Variants in APBA1 observed in about 807,000 individuals in gnomAD.
APBA1 encodes amyloid beta precursor protein binding family A member 1.
Under a neutral mutation model 86.6 loss-of-function variants are expected in APBA1, and 55 were observed. That is an observed-to-expected ratio of 0.64 (90% CI 0.51 to 0.80). APBA1 has a LOEUF of 0.80. Ranked by LOEUF, APBA1 falls within the 30% of genes least tolerant of loss-of-function variation. The pLI is 0.00. For synonymous variants in APBA1, 511 were observed against 493.9 expected (o/e 1.03, Z -0.46); for missense variants, 1,090 against 1,183.0 (o/e 0.92, Z 1.15).
chr9:69,501,678 A>T (rs1564057572), intron 2 of APBA1, among the ~76,000 whole-genome samples: 1 of 140,464 alleles, frequency 7.1e-6, no homozygotes, highest in Non-Finnish European at 1.6e-5. Context: ...ACACACACAC[A>T]CTAGCTGGGC....
At chr9:69,462,858 C>T (rs1835212836) in intron 5 of APBA1, 2 of 152,140 alleles carry the variant, frequency 1.3e-5, no homozygotes, top group Non-Finnish European at 2.9e-5. Context: ...CTGGGTGCCA[C>T]CTTCTGAGTT....
chr9:69,441,227 C>T, intron 10 of APBA1, 112 bp from the exon 11 acceptor site: 1 of 1,333,504 alleles, frequency 7.5e-7, no homozygotes, highest in East Asian at 2.4e-5. Flanking sequence ...CCGAAGGACC[C>T]ACTGCCTGCT....
At chr9:69,610,271 G>C (rs192866659) in intron 1 of APBA1, among the ~76,000 whole-genome samples, 144 of 152,248 alleles carry the variant, frequency 9.5e-4, no homozygotes, top group African/African-American at 3.4e-3. Flanking sequence ...AGTGGGCTAG[G>C]ATCCTGTTAC....
At chr9:69,510,276 A>G (rs201913785) in intron 2 of APBA1, among the ~76,000 whole-genome samples, 71 of 142,686 alleles carry the variant, frequency 5.0e-4, no homozygotes, top group African/African-American at 1.1e-3. Flanking sequence ...ATACACCAAT[A>G]ACAGACAAAC....
chr9:69,495,382 T>C (rs1436141848), intron 2 of APBA1, among the ~76,000 whole-genome samples: 1 of 152,136 alleles, frequency 6.6e-6, no homozygotes, highest in Non-Finnish European at 1.5e-5. Context: ...AAGTTCTCCA[T>C]CTTTCCGGGT....
chr9:69,658,306 CTT>C (rs374211292), intron 1 of APBA1, among the ~76,000 whole-genome samples: 20,705 of 70,646 alleles, frequency 0.29, 2,742 homozygotes, highest in African/African-American at 0.33. Context: ...CTCTCTCTCT[CTT>C]TCTTTCTTTC....
rs910183079 is a variant in APBA1, at chr9:69,486,750, C to T, written c.1201-10607G>A. Among the ~76,000 whole-genome samples, 13 of 151,918 alleles carry T rather than the reference C, an allele frequency of 8.6e-5. 1 individual carries two copies. Among genetic ancestry groups the T allele is most frequent in the African/African-American group, 2.9e-4 (12 of 41,366 alleles). The stretch of plus-strand genomic sequence containing the variant: ...CTCTGGCAGGTGAGAAATGAGGCTG[C>T]GGAGCCGGGCTGGGACTAGCAGCTG... On this transcript the variant is annotated intron_variant, in intron 2 of 12. Coordinates refer to ENST00000265381, the MANE Select transcript of APBA1 (RefSeq NM_001163.4).
At chr9:69,486,908 C>T (rs1365977584) in intron 2 of APBA1, among the ~76,000 whole-genome samples, 2 of 151,390 alleles carry the variant, frequency 1.3e-5, no homozygotes, top group African/African-American at 2.4e-5. Context: ...GGCCTGCTCC[C>T]CTCATTGAAG....
chr9:69,516,513 G>A lies in APBA1; in HGVS notation c.698C>T (p.Ala233Val), dbSNP rs1441171786. Reference sequence around the variant, plus strand: ...GCGCTCGTCGTAATGGTGCAGCCGCGCGCCCAGGGCCTCCTGGCGGTACGC... The same window carrying A: ...GCGCTCGTCGTAATGGTGCAGCCGCACGCCCAGGGCCTCCTGGCGGTACGC... Reference protein sequence around the residue: ...AAAYRQEALGARLHHYDERSD... With the variant: ...AAAYRQEALGVRLHHYDERSD... Residue 233 changes from alanine (A) to valine (V), a missense_variant, in exon 2 of 13, where the codon GCG becomes GTG. Physicochemically the swap from Ala to Val is moderately conservative, Grantham distance 64. Around this residue, in one of 6 missense-constraint regions of APBA1, gnomAD observed 678 missense variants for 647.1 expected, o/e 1.05. Transcript: ENST00000265381. This position sits in a 1 kb window ranked among gnomAD's most constrained non-coding sequence, Gnocchi z 7.3. The A allele has an allele frequency of 6.3e-7, 1 of 1,595,446 alleles. No homozygotes were observed. The highest frequency in any genetic ancestry group is 8.5e-7 in the Non-Finnish European group (1 of 1,176,538).
At chr9:69,649,081 A>AGATAAACCTGCTGTT (rs1257352925) in intron 1 of APBA1, among the ~76,000 whole-genome samples, 1 of 152,102 alleles carries the variant, frequency 6.6e-6, no homozygotes, top group Admixed American at 6.5e-5. Flanking sequence ...TACCTGCTGA[A>AGATAAACCTGCTGTT]TATCTTTCCA....
intron 1 of APBA1, among the ~76,000 whole-genome samples, chr9:69,528,182 C>T (rs1358831034): frequency 1.3e-5 from 2 of 152,098 alleles, no homozygotes; most frequent in Admixed American, 1.3e-4. Context: ...TGTGTGATGA[C>T]TACAGAATCA....
In APBA1 at chr9:69,427,769, A is replaced by ATATT. The variant is rs948698231; in HGVS notation, c.*3554_*3557dup. 6.6e-6 allele frequency: 1 copy of ATATT among 151,680 alleles called. No homozygotes were observed. Among genetic ancestry groups the ATATT allele is most frequent in the African/African-American group, 2.4e-5 (1 of 41,302 alleles). The allele number at this position is 151,680 out of a possible 1,614,324, so 9.4% of individuals were successfully genotyped here. On this transcript the variant is annotated 3_prime_UTR_variant, in exon 13 of 13. Transcript: ENST00000265381. ...TCACGTGTAGATATATTTTATTTATATATTTATTTATATTTATATATAGAT... is the reference window on the plus strand; with the variant it reads ...TCACGTGTAGATATATTTTATTTATATATTTATTTATTTATATTTATATATAGAT...
intron 1 of APBA1, among the ~76,000 whole-genome samples, chr9:69,561,830 T>C (rs1437125332): frequency 6.6e-6 from 1 of 152,156 alleles, no homozygotes; most frequent in Non-Finnish European, 1.5e-5. Context: ...TTTCGTCACG[T>C]TGGCCAGGCT....
At chr9:69,439,454 T>C (rs954672527) in intron 11 of APBA1, among the ~76,000 whole-genome samples, 6 of 152,194 alleles carry the variant, frequency 3.9e-5, no homozygotes, top group Non-Finnish European at 7.3e-5. Context: ...TAGTCCCATA[T>C]TTCTTGGAGG....
intron 2 of APBA1, among the ~76,000 whole-genome samples, chr9:69,488,316 T>G (rs1297703859): frequency 6.6e-6 from 1 of 152,092 alleles, no homozygotes; most frequent in South Asian, 2.1e-4. Context: ...TGTGATTCAC[T>G]GACTTTTTTT....
At chr9:69,523,598 C>A (rs1191476596) in intron 1 of APBA1, among the ~76,000 whole-genome samples, 1 of 147,434 alleles carries the variant, frequency 6.8e-6, no homozygotes, top group Non-Finnish European at 1.5e-5. Context: ...TTCTTCTAGA[C>A]CTATGAAAAG....
chr9:69,549,884 C>G (rs1023205703), intron 1 of APBA1, among the ~76,000 whole-genome samples: 1 of 152,136 alleles, frequency 6.6e-6, no homozygotes, highest in Non-Finnish European at 1.5e-5. Flanking sequence ...AAAATTGGAA[C>G]TGAGTTTTCC....
intron 8 of APBA1, among the ~76,000 whole-genome samples, chr9:69,453,111 A>G (rs549720396): frequency 2.6e-5 from 4 of 152,176 alleles, no homozygotes; most frequent in African/African-American, 9.7e-5. Flanking sequence ...TACATATTGT[A>G]ATATGGTTTT....
intron 7 of APBA1, 47 bp downstream of exon 7, chr9:69,457,006 C>A: frequency 2.0e-6 from 3 of 1,498,160 alleles, no homozygotes; most frequent in Non-Finnish European, 2.8e-6. Context: ...CTCTGAGTTA[C>A]GATGTCACTA....
Sources: allele counts gnomAD v4.1 joint callset (sites outside exome capture counted in the v4.1 genomes callset), GRCh38; gene constraint gnomAD v4.1.1; regional missense constraint gnomAD v4.1.1; non-coding constraint Gnocchi (gnomAD v3.1); transcripts MANE v1.5; gene names NCBI Gene and HGNC (gene_info 2026-07-23, HGNC 2026-07-21).